GPC5: variants seen among roughly 807,000 people sequenced by gnomAD.
The protein encoded by GPC5 is glypican 5, also known as glypican-5.
A neutral mutation model predicts 53.9 loss-of-function variants in GPC5; 47 were observed. The observed-to-expected ratio is 0.87, with a 90% CI of 0.69 to 1.11. GPC5 has a LOEUF of 1.11. GPC5 is among the 50% of genes most tolerant of loss of function. GPC5 has a pLI of 0.00. For missense variants in GPC5, 748 were observed against 713.1 expected (o/e 1.05, Z -0.56); for synonymous variants, 286 against 263.3 (o/e 1.09, Z -0.84).
intron 7 of GPC5, among the ~76,000 whole-genome samples, chr13:92,513,059 G>T (rs1880633936): frequency 6.6e-6 from 1 of 152,206 alleles, no homozygotes; most frequent in Admixed American, 6.5e-5. Flanking sequence ...GGTCACAGGT[G>T]TACCTTTGTG....
chr13:91,551,558 C>A (rs911448675), intron 2 of GPC5, among the ~76,000 whole-genome samples: 2 of 151,776 alleles, frequency 1.3e-5, no homozygotes, highest in Non-Finnish European at 2.9e-5. Flanking sequence ...ATAATTGAGT[C>A]GAAAATATGT....
At chr13:92,012,250 AT>A (rs1231682489) in intron 6 of GPC5, among the ~76,000 whole-genome samples, 2 of 152,048 alleles carry the variant, frequency 1.3e-5, no homozygotes, top group Non-Finnish European at 2.9e-5. Context: ...AAACGATTTA[AT>A]TTTTTTCATT....
At chr13:91,475,003 A>G (rs1485567013) in intron 2 of GPC5, among the ~76,000 whole-genome samples, 1 of 152,230 alleles carries the variant, frequency 6.6e-6, no homozygotes, top group South Asian at 2.1e-4. Context: ...GAAATAGGAT[A>G]TAGAATAAAA....
chr13:92,183,164 A>C (rs2042160018), intron 7 of GPC5, among the ~76,000 whole-genome samples: 1 of 152,228 alleles, frequency 6.6e-6, no homozygotes, highest in African/African-American at 2.4e-5. Context: ...ATGTTTTCCC[A>C]CATAGCCTTT....
intron 7 of GPC5, among the ~76,000 whole-genome samples, chr13:92,572,401 G>A (rs575437561): frequency 1.1e-4 from 17 of 152,068 alleles, no homozygotes; most frequent in African/African-American, 1.9e-4. Flanking sequence ...TTGGCCTTTC[G>A]CCAAAAGCTG....
intron 6 of GPC5, among the ~76,000 whole-genome samples, chr13:92,041,537 C>T (rs2040941706): frequency 6.6e-6 from 1 of 152,120 alleles, no homozygotes; most frequent in African/African-American, 2.4e-5. Flanking sequence ...GAAACCAGGC[C>T]TAAAAATAAA....
At chr13:91,559,940 A>G (rs929486823) in intron 2 of GPC5, among the ~76,000 whole-genome samples, 6 of 152,134 alleles carry the variant, frequency 3.9e-5, no homozygotes, top group African/African-American at 1.4e-4. Flanking sequence ...ATATATTCTG[A>G]AATCTGGGGA....
intron 7 of GPC5, among the ~76,000 whole-genome samples, chr13:92,336,020 G>A (rs2043320619): frequency 6.6e-6 from 1 of 152,152 alleles, no homozygotes; most frequent in African/African-American, 2.4e-5. Flanking sequence ...AGTAGTTCCA[G>A]CTAGCAGTGG....
At chr13:91,501,846 G>T (rs993751801) in intron 2 of GPC5, among the ~76,000 whole-genome samples, 2 of 152,188 alleles carry the variant, frequency 1.3e-5, no homozygotes, top group African/African-American at 4.8e-5. Flanking sequence ...GGTTGAACTA[G>T]TTTACAGTTC....
intron 3 of GPC5, 87 bp downstream of exon 3, chr13:91,693,968 G>A: frequency 1.0e-6 from 1 of 996,396 alleles, no homozygotes; most frequent in Non-Finnish European, 1.5e-6. Context: ...AGGAGAATGT[G>A]TCTGTTGATA....
intron 7 of GPC5, among the ~76,000 whole-genome samples, chr13:92,373,936 G>C (rs1035967669): frequency 2.6e-5 from 4 of 152,086 alleles, no homozygotes; most frequent in African/African-American, 9.7e-5. Flanking sequence ...GTATAATGTT[G>C]CTAGATGTAG....
chr13:91,469,162 G>A (rs1025881190), intron 2 of GPC5, among the ~76,000 whole-genome samples: 2 of 151,256 alleles, frequency 1.3e-5, no homozygotes, highest in Non-Finnish European at 2.9e-5. Context: ...AGGCTGGAGT[G>A]CAGTGGCATG....
intron 7 of GPC5, among the ~76,000 whole-genome samples, chr13:92,390,870 C>T (rs909786332): frequency 4.6e-5 from 7 of 151,976 alleles, no homozygotes; most frequent in African/African-American, 9.7e-5. Context: ...TTTTGCAAAA[C>T]CTGGCATATA....
At chr13:92,302,011 TA>T (rs1382401412) in intron 7 of GPC5, among the ~76,000 whole-genome samples, 3 of 152,220 alleles carry the variant, frequency 2.0e-5, no homozygotes, top group African/African-American at 7.2e-5. Flanking sequence ...TTTGTGTGAC[TA>T]TAGCTTAAAT....
rs573834082 is a variant in GPC5, at chr13:91,975,531, C to A, written c.1401+67474C>A. 3.9e-5 allele frequency among the ~76,000 whole-genome samples: 6 copies of A among 152,342 alleles called. No homozygotes were observed. The South Asian group carries it at 1.2e-3, about 32-fold the overall frequency. On this transcript the variant is annotated intron_variant, in intron 6 of 7. Transcript: ENST00000377067. ...ACACACATGAAAAAATGCTCATCAT[C>A]ACTGGCCATCAGAGAAATGCAAATC...
Position 91,750,254 on chromosome 13 carries a change from A to G in GPC5, c.1155-6041A>G, listed in dbSNP as rs1329746441. The stretch of plus-strand genomic sequence containing the variant: ...ATAGAGGCTTTGAATAAATATTCAG[A>G]TGAGCAACATTTTTCTATTTTCTTT... On this transcript the variant is annotated intron_variant, in intron 4 of 7. Transcript: ENST00000377067. 3.3e-5 allele frequency among the ~76,000 whole-genome samples: 5 copies of G among 152,322 alleles called. No homozygotes were observed. In the East Asian group the frequency reaches 9.6e-4, roughly 29 times the overall value.
rs867312103 is a variant in GPC5, at chr13:92,052,624, G to T, written c.1402-92206G>T. Among the ~76,000 whole-genome samples, 22 of 152,026 alleles carry T rather than the reference G, an allele frequency of 1.4e-4. 1 individual carries two copies. The South Asian group carries it at 2.1e-3, about 14-fold the overall frequency. ...GGTGAGTTTTTACAGAGTGCTGATT[G>T]GTGCATTTACAATCCTTTAGCTAGA... On this transcript the variant is annotated intron_variant, in intron 6 of 7. Transcript: ENST00000377067.
intron 6 of GPC5, among the ~76,000 whole-genome samples, chr13:91,914,818 G>T (rs1203781454): frequency 6.6e-6 from 1 of 151,970 alleles, no homozygotes; most frequent in Non-Finnish European, 1.5e-5. Context: ...TAGTATCTCT[G>T]AATTTTTTAA....
At chr13:92,124,096 T>A (rs1419600098) in intron 6 of GPC5, among the ~76,000 whole-genome samples, 1 of 150,938 alleles carries the variant, frequency 6.6e-6, no homozygotes, top group Non-Finnish European at 1.5e-5. Flanking sequence ...ACAATATAAA[T>A]AACCATCCTT....
Sources: allele counts gnomAD v4.1 joint callset (sites outside exome capture counted in the v4.1 genomes callset), GRCh38; gene constraint gnomAD v4.1.1; transcripts MANE v1.5; gene names NCBI Gene and HGNC (gene_info 2026-07-23, HGNC 2026-07-21).